STEAP3: variants seen among roughly 807,000 people sequenced by gnomAD.
STEAP3 encodes STEAP3 metalloreductase.
In STEAP3, 35 loss-of-function variants were observed where a neutral mutation model predicts 34.9. The ratio of observed to expected loss-of-function variants is 1.00; its 90% CI spans 0.76 to 1.33. STEAP3 has a LOEUF of 1.33. STEAP3 is among the 40% of genes most tolerant of loss of function. The probability of loss-of-function intolerance (pLI) is 0.00; values close to 1 mark genes in which losing one functional copy is unlikely to be tolerated. For synonymous variants in STEAP3, 281 were observed against 301.6 expected (o/e 0.93, Z 0.71); for missense variants, 652 against 667.6 (o/e 0.98, Z 0.26).
intron 4 of STEAP3, among the ~76,000 whole-genome samples, chr2:119,253,794 C>T (rs1242563232): frequency 3.3e-5 from 5 of 151,948 alleles, no homozygotes; most frequent in South Asian, 4.2e-4. Context: ...TTCATAGGGG[C>T]TCCCCAATTT....
intron 4 of STEAP3, among the ~76,000 whole-genome samples, chr2:119,251,559 TTA>T (rs1677627306): frequency 6.6e-6 from 1 of 152,146 alleles, no homozygotes; most frequent in Admixed American, 6.5e-5. Flanking sequence ...CGTTCTCCTA[TTA>T]CCTTCACCCC....
chr2:119,225,954 A>C (rs1212536304), intron 1 of STEAP3, among the ~76,000 whole-genome samples: 1 of 152,234 alleles, frequency 6.6e-6, no homozygotes, highest in Non-Finnish European at 1.5e-5. Flanking sequence ...TCTTCACCTC[A>C]GGTTTGCGAG....
At chr2:119,233,522 C>T (rs995332065) in intron 2 of STEAP3, among the ~76,000 whole-genome samples, 4 of 152,188 alleles carry the variant, frequency 2.6e-5, no homozygotes, top group Admixed American at 2.6e-4. Flanking sequence ...ACAGCTATGA[C>T]TCACAAATAC....
chr2:119,229,723 T>G (rs970667461), intron 1 of STEAP3, among the ~76,000 whole-genome samples: 2 of 151,508 alleles, frequency 1.3e-5, no homozygotes, highest in Admixed American at 1.3e-4. Context: ...CCCAAGGCCT[T>G]GGGCTGGATC....
intron 5 of STEAP3, among the ~76,000 whole-genome samples, chr2:119,261,803 T>A (rs1677949182): frequency 6.6e-6 from 1 of 152,160 alleles, no homozygotes; most frequent in South Asian, 2.1e-4. Context: ...TCACATTGCA[T>A]CTCTTACAGA....
At chr2:119,244,118 A>T (rs979645050) in intron 2 of STEAP3, among the ~76,000 whole-genome samples, 1 of 152,218 alleles carries the variant, frequency 6.6e-6, no homozygotes, top group African/African-American at 2.4e-5. Flanking sequence ...AATATTTTTT[A>T]AAAAAGACTA....
At chr2:119,240,028 AT>A (rs912787959) in intron 2 of STEAP3, among the ~76,000 whole-genome samples, 21 of 152,178 alleles carry the variant, frequency 1.4e-4, no homozygotes, top group South Asian at 4.2e-4. Context: ...GACAAAAAAA[AT>A]TTTTTTTAAT....
Position 119,247,732 on chromosome 2 carries a change from G to A in STEAP3, c.576G>A (p.Ala192=), listed in dbSNP as rs199756468. ...CCAAGCGTGCTGTCTCGGAGATGGC[G>A]CTCGCCATGGGCTTCATGCCCGTGG... is the stretch of plus-strand genomic sequence containing the variant. ...PEAKRAVSEM[A]LAMGFMPVDM... The change falls in exon 4 of 6, where the codon GCG becomes GCA. Residue 192 remains alanine, a synonymous_variant. Transcript: ENST00000393110. The A allele has an allele frequency of 5.3e-5, 84 of 1,579,494 alleles. No homozygotes were observed. The highest frequency in any genetic ancestry group is 5.4e-5 in the African/African-American group (4 of 74,186).
chr2:119,257,500 G>A (rs753533026), intron 5 of STEAP3: 81 of 1,543,896 alleles, frequency 5.2e-5, no homozygotes, highest in African/African-American at 1.1e-4. Context: ...AGTGGAACCC[G>A]AAGACCTGAA....
Position 119,250,537 on chromosome 2 carries a change from G to A in STEAP3, c.1050+2331G>A, listed in dbSNP as rs574191588. On this transcript the variant is annotated intron_variant, in intron 4 of 5. Transcript: ENST00000393110. ...GCTCTGCGGGGCTCCCTGGGGACTAGTACAATGTTGCTGCCCAGGACGGGG... is the reference window on the plus strand; with the variant it reads ...GCTCTGCGGGGCTCCCTGGGGACTAATACAATGTTGCTGCCCAGGACGGGG... Among the ~76,000 whole-genome samples, 352 of 152,334 alleles carry A rather than the reference G, an allele frequency of 2.3e-3. 1 individual carries two copies. Among genetic ancestry groups the A allele is most frequent in the Non-Finnish European group, 4.1e-3 (276 of 68,020 alleles).
At chr2:119,261,911 G>A (rs910591178) in intron 5 of STEAP3, among the ~76,000 whole-genome samples, 2 of 152,212 alleles carry the variant, frequency 1.3e-5, no homozygotes, top group Non-Finnish European at 2.9e-5. Flanking sequence ...ATTGTAAAAT[G>A]GCCGGGACCA....
At position 119,245,685 on chromosome 2, in the gene STEAP3, C is replaced by A; in HGVS notation, c.219C>A (p.Arg73=). The change falls in exon 3 of 6, where the codon CGC becomes CGA. Residue 73 remains arginine, a synonymous_variant. Transcript: ENST00000393110. ...TGGTGGGGAGCCGCAACCCCAAACGCACAGCCAGGCTGTTTCCCTCAGCGG... is the reference window on the plus strand; with the variant it reads ...TGGTGGGGAGCCGCAACCCCAAACGAACAGCCAGGCTGTTTCCCTCAGCGG... ...KVVVGSRNPK[R]TARLFPSAAQ... The A allele has an allele frequency of 6.2e-7, 1 of 1,613,796 alleles. No homozygotes were observed. Among genetic ancestry groups the A allele is most frequent in the Non-Finnish European group, 8.5e-7 (1 of 1,179,714 alleles).
chr2:119,248,052 AGC>A lies in STEAP3; in HGVS notation c.899_900del (p.Arg300LeufsTer235), dbSNP rs771998222. On this transcript the variant is annotated frameshift_variant, in exon 4 of 6. Coordinates refer to ENST00000393110, the MANE Select transcript of STEAP3 (RefSeq NM_182915.3). LOFTEE classifies it high-confidence loss of function. Reference sequence around the variant, plus strand: ...CAGCTGCGGCGCGGCACCAAGTACCAGCGCTTCCCCGACTGGCTGGACCACTG... The same window carrying A: ...CAGCTGCGGCGCGGCACCAAGTACCAGCTTCCCCGACTGGCTGGACCACTG... The A allele has an allele frequency of 1.9e-6, 3 of 1,608,942 alleles. No individual in the cohort carries two copies. The highest frequency in any genetic ancestry group is 3.3e-5 in the Admixed American group (2 of 60,008).
At chr2:119,257,565 G>A in intron 5 of STEAP3, 1 of 1,543,542 alleles carries the variant, frequency 6.5e-7, no homozygotes, top group Non-Finnish European at 8.8e-7. Context: ...AAGTTTCCTA[G>A]GCCCTCGGAG....
At chr2:119,239,781 T>C (rs924233188) in intron 2 of STEAP3, among the ~76,000 whole-genome samples, 4 of 152,160 alleles carry the variant, frequency 2.6e-5, no homozygotes, top group Non-Finnish European at 4.4e-5. Context: ...GGCCCTCCCA[T>C]GGGGCAAAGG....
intron 5 of STEAP3, among the ~76,000 whole-genome samples, chr2:119,258,902 G>A (rs539812718): frequency 2.8e-5 from 4 of 144,654 alleles, no homozygotes; most frequent in African/African-American, 7.8e-5. Context: ...GATTATAGGC[G>A]TGAGCCACCG....
At chr2:119,262,611 C>G (rs990694460) in intron 5 of STEAP3, among the ~76,000 whole-genome samples, 1 of 152,172 alleles carries the variant, frequency 6.6e-6, no homozygotes, top group Non-Finnish European at 1.5e-5. Flanking sequence ...CCCCTGGGCT[C>G]AAGCAGTCCA....
chr2:119,254,759 C>T lies in STEAP3; in HGVS notation c.1126C>T (p.Leu376=). The T allele has an allele frequency of 6.2e-7, 1 of 1,614,216 alleles. No individual in the cohort carries two copies. Among genetic ancestry groups the T allele is most frequent in the South Asian group, 1.1e-5 (1 of 91,082 alleles). ...GGAGATCTACCTCTCCCTGGGAGTG[C>T]TGGCCCTCGGCACGTTGTCCCTGCT... The part of the protein sequence containing the change: ...RMEIYLSLGV[L]ALGTLSLLAV... The change falls in exon 5 of 6, where the codon CTG becomes TTG. Residue 376 remains leucine, a synonymous_variant. Transcript: ENST00000393110.
intron 5 of STEAP3, among the ~76,000 whole-genome samples, chr2:119,260,576 G>A (rs11891374): frequency 1.4e-3 from 211 of 152,290 alleles, no homozygotes; most frequent in African/African-American, 4.8e-3. Flanking sequence ...GATTACAGGC[G>A]TGAGCCACCG....
Sources: allele counts gnomAD v4.1 joint callset (sites outside exome capture counted in the v4.1 genomes callset), GRCh38; gene constraint gnomAD v4.1.1; transcripts MANE v1.5; gene names NCBI Gene and HGNC (gene_info 2026-07-23, HGNC 2026-07-21).